Variants in LAMA2 observed in about 807,000 individuals in gnomAD.
LAMA2 encodes laminin subunit alpha 2.
A neutral mutation model predicts 364.8 loss-of-function variants in LAMA2; 269 were observed. The ratio of observed to expected loss-of-function variants is 0.74; its 90% confidence interval spans 0.67 to 0.82. LAMA2 has a LOEUF of 0.82. Among genes scored for constraint, LAMA2 ranks in the 40% least tolerant of loss-of-function variants. LAMA2 has a pLI of 0.00. For missense variants in LAMA2, 3,807 were observed against 3,873.2 expected, an observed-to-expected ratio of 0.98 and a Z score of 0.45; for synonymous variants, 1,379 against 1,370.6, an observed-to-expected ratio of 1.01 and a Z score of -0.14.
chr6:129,016,176 G>A (rs185440735), intron 1 of LAMA2, among the ~76,000 whole-genome samples: 69 of 152,132 alleles, frequency 4.5e-4, no homozygotes, highest in Non-Finnish European at 8.8e-5. Flanking sequence ...ACCATTATCT[G>A]AATACCAAAC....
chr6:129,514,157 T>C (rs1786830141), intron 63 of LAMA2, among the ~76,000 whole-genome samples: 1 of 152,196 alleles, frequency 6.6e-6, no homozygotes, highest in Non-Finnish European at 1.5e-5. Context: ...CTCCCAACAA[T>C]GCCCCAAAGC....
chr6:129,167,667 G>A (rs989178848), intron 9 of LAMA2, among the ~76,000 whole-genome samples: 1 of 152,126 alleles, frequency 6.6e-6, no homozygotes, highest in Non-Finnish European at 1.5e-5. Context: ...AGTCCTTTGG[G>A]TATATACCCA....
intron 1 of LAMA2, among the ~76,000 whole-genome samples, chr6:129,042,438 C>G (rs1430770109): frequency 6.6e-6 from 1 of 151,952 alleles, no homozygotes; most frequent in Non-Finnish European, 1.5e-5. Context: ...ATACTGCAAA[C>G]CTCATTCCTA....
intron 1 of LAMA2, among the ~76,000 whole-genome samples, chr6:129,033,373 C>G (rs1011241379): frequency 6.6e-6 from 1 of 152,004 alleles, no homozygotes; most frequent in African/African-American, 2.4e-5. Flanking sequence ...CCTTAAGGAC[C>G]AGGGAGGGCC....
chr6:129,046,019 A>C (rs1787459764), intron 1 of LAMA2, among the ~76,000 whole-genome samples: 1 of 152,346 alleles, frequency 6.6e-6, no homozygotes, highest in Non-Finnish European at 1.5e-5. Context: ...TGTGTAAGTA[A>C]GCTGGCTGTC....
chr6:129,019,897 A>G (rs774125840), intron 1 of LAMA2, among the ~76,000 whole-genome samples: 3 of 152,120 alleles, frequency 2.0e-5, no homozygotes, highest in Non-Finnish European at 2.9e-5. Flanking sequence ...CAGCCTGGCC[A>G]ACATGGCGAA....
rs2114502238 is a variant in LAMA2 at position 129,315,833 on chromosome 6, A to G, written c.3807A>G (p.Thr1269=). The G allele has an allele frequency of 3.1e-6, 5 of 1,614,084 alleles. No individual in the cohort carries two copies. Among genetic ancestry groups the G allele is most frequent in the Middle Eastern group, 1.6e-4 (1 of 6,062 alleles). Residue 1269 remains threonine, a synonymous_variant, in exon 26 of 65, where the codon ACA becomes ACG. Transcript: ENST00000421865. The part of the protein sequence containing the change: ...FEAREETGFS[T]YNPQVIIRGG... ...CTCGGGAAGAAACAGGTTTCTCTAC[A>G]TATAATCCTCAAGTGATCATTCGAG...
intron 29 of LAMA2, among the ~76,000 whole-genome samples, chr6:129,336,047 A>G (rs967678159): frequency 6.6e-6 from 1 of 152,238 alleles, no homozygotes; most frequent in Non-Finnish European, 1.5e-5. Context: ...TCCAGGTTTT[A>G]TAAAGGAAAA....
intron 20 of LAMA2, among the ~76,000 whole-genome samples, chr6:129,297,136 C>A (rs1419789907): frequency 6.6e-6 from 1 of 151,952 alleles, no homozygotes; most frequent in South Asian, 2.1e-4. Flanking sequence ...GTAAGCATAA[C>A]CTGAAAATTA....
At chr6:129,459,446 A>G (rs999874002) in intron 48 of LAMA2, among the ~76,000 whole-genome samples, 1 of 152,084 alleles carries the variant, frequency 6.6e-6, no homozygotes, top group African/African-American at 2.4e-5. Context: ...TGTGAAAATG[A>G]CACCAGGATT....
At chr6:128,930,171 C>A (rs1204203662) in intron 1 of LAMA2, among the ~76,000 whole-genome samples, 3 of 152,216 alleles carry the variant, frequency 2.0e-5, no homozygotes, top group Admixed American at 1.3e-4. Context: ...GTTTGCTAGG[C>A]GCGACTGCCA....
chr6:128,917,168 G>A (rs1277802231), intron 1 of LAMA2, among the ~76,000 whole-genome samples: 1 of 64,660 alleles, frequency 1.5e-5, no homozygotes, highest in Non-Finnish European at 3.8e-5. Flanking sequence ...TGAAATTGAA[G>A]CCTTTTTTAA....
At chr6:129,289,597 T>C (rs963524301) in intron 19 of LAMA2, among the ~76,000 whole-genome samples, 2 of 152,172 alleles carry the variant, frequency 1.3e-5, no homozygotes, top group African/African-American at 4.8e-5. Context: ...TTAGGGATAT[T>C]ATTCCACTAA....
chr6:129,200,875 A>G (rs942509786), intron 12 of LAMA2, among the ~76,000 whole-genome samples: 1 of 152,164 alleles, frequency 6.6e-6, no homozygotes, highest in African/African-American at 2.4e-5. Context: ...ATCTAGAGAA[A>G]AAAAATAAAA....
intron 30 of LAMA2, among the ~76,000 whole-genome samples, chr6:129,346,707 C>T (rs1282044966): frequency 3.3e-5 from 5 of 152,140 alleles, no homozygotes; most frequent in South Asian, 2.1e-4. Context: ...GTGAACAAAA[C>T]GGCCTGTGTT....
At chr6:129,042,305 A>C (rs956163478) in intron 1 of LAMA2, among the ~76,000 whole-genome samples, 2 of 152,124 alleles carry the variant, frequency 1.3e-5, no homozygotes, top group African/African-American at 4.8e-5. Flanking sequence ...ACTCCATGTC[A>C]ATAATAGTAA....
chr6:129,497,213 T>C (rs1228626164), intron 58 of LAMA2, among the ~76,000 whole-genome samples: 2 of 152,174 alleles, frequency 1.3e-5, no homozygotes, highest in Non-Finnish European at 2.9e-5. Context: ...TAATTTTCAC[T>C]TCTCACCATT....
intron 40 of LAMA2, among the ~76,000 whole-genome samples, chr6:129,415,763 C>G (rs1221477933): frequency 6.6e-6 from 1 of 151,934 alleles, no homozygotes; most frequent in Non-Finnish European, 1.5e-5. Flanking sequence ...GGAGGATCCC[C>G]TGAGCCTGGG....
At chr6:129,142,698 T>G (rs931735514) in intron 4 of LAMA2, among the ~76,000 whole-genome samples, 1 of 152,000 alleles carries the variant, frequency 6.6e-6, no homozygotes, top group African/African-American at 2.4e-5. Context: ...TTCTTGAAAT[T>G]TGTATCATTT....
Sources: allele counts gnomAD v4.1 joint callset (sites outside exome capture counted in the v4.1 genomes callset), GRCh38; gene constraint gnomAD v4.1.1; transcripts MANE v1.5; gene names NCBI Gene and HGNC (gene_info 2026-07-23, HGNC 2026-07-21).